DGKI: variants seen among roughly 807,000 people sequenced by gnomAD.
The protein encoded by DGKI is DAG kinase iota.
Under a neutral mutation model 147.5 loss-of-function variants are expected in DGKI, and 55 were observed. The ratio of observed to expected loss-of-function variants is 0.37; its 90% confidence interval spans 0.30 to 0.47. The LOEUF (loss-of-function observed/expected upper bound fraction) is 0.47. Ranked by LOEUF, DGKI falls within the 20% of genes least tolerant of loss-of-function variation. DGKI has a pLI of 1.00. For synonymous variants in DGKI, 469 were observed against 477.1 expected (o/e 0.98, Z 0.22); for missense variants, 1,007 against 1,323.8 (o/e 0.76, Z 3.71).
rs1028924401 is a variant in DGKI, at chr7:137,477,899, G to A, written c.2373+7475C>T. ...TGGTCTCAAACTGCTGGGCTCAAGCGATCTGCCCATGATGGCCTCCCAAAG... is the reference window on the plus strand; with the variant it reads ...TGGTCTCAAACTGCTGGGCTCAAGCAATCTGCCCATGATGGCCTCCCAAAG... On this transcript the variant is annotated intron_variant, in intron 23 of 32. Coordinates refer to ENST00000614521, the MANE Select transcript of DGKI (RefSeq NM_001321708.2). Among the ~76,000 whole-genome samples the A allele has an allele frequency of 1.4e-4, 21 of 152,246 alleles. No homozygotes were observed. The East Asian group carries it at 2.7e-3, about 20-fold the overall frequency.
intron 2 of DGKI, among the ~76,000 whole-genome samples, chr7:137,681,364 C>T (rs900251599): frequency 6.6e-6 from 1 of 152,154 alleles, no homozygotes; most frequent in South Asian, 2.1e-4. Flanking sequence ...GGGTTCAGAC[C>T]CTAAAAGTTT....
At chr7:137,466,800 T>A in intron 25 of DGKI, 102 bp downstream of exon 25, 1 of 1,177,330 alleles carries the variant, frequency 8.5e-7, no homozygotes, top group Non-Finnish European at 1.3e-6. Context: ...AAAATTTGTG[T>A]CTCAGTGGTT....
chr7:137,514,429 A>G (rs1413183704), intron 21 of DGKI, among the ~76,000 whole-genome samples: 1 of 152,056 alleles, frequency 6.6e-6, no homozygotes, highest in Non-Finnish European at 1.5e-5. Flanking sequence ...CCTCTACTCC[A>G]ATCCAACTAC....
intron 1 of DGKI, among the ~76,000 whole-genome samples, chr7:137,762,561 G>GT (rs1795890305): frequency 6.6e-6 from 1 of 152,140 alleles, no homozygotes; most frequent in Non-Finnish European, 1.5e-5. Flanking sequence ...CCAGGTCCTG[G>GT]TTATGACATC....
chr7:137,576,418 C>A (rs1177610541), intron 17 of DGKI, among the ~76,000 whole-genome samples: 1 of 152,142 alleles, frequency 6.6e-6, no homozygotes, highest in Non-Finnish European at 1.5e-5. Context: ...CTCATCACTT[C>A]TTTTCCATCT....
At chr7:137,415,279 G>T (rs1812316269) in intron 28 of DGKI, among the ~76,000 whole-genome samples, 1 of 151,966 alleles carries the variant, frequency 6.6e-6, no homozygotes, top group African/African-American at 2.4e-5. Flanking sequence ...TAATAATAAT[G>T]ATACAACAGT....
At chr7:137,766,052 A>G in intron 1 of DGKI, among the ~76,000 whole-genome samples, 1 of 152,200 alleles carries the variant, frequency 6.6e-6, no homozygotes, top group African/African-American at 2.4e-5. Context: ...CCTGCCTGAA[A>G]CCAGCTCTCA....
At chr7:137,735,903 C>T (rs3800643) in intron 1 of DGKI, among the ~76,000 whole-genome samples, 23,942 of 152,004 alleles carry the variant, frequency 0.16, 2,832 homozygotes, top group African/African-American at 0.31. Flanking sequence ...TGCTAGCTAC[C>T]GTCCGCTATG....
intron 23 of DGKI, among the ~76,000 whole-genome samples, chr7:137,475,712 A>T (rs1815147720): frequency 6.6e-6 from 1 of 152,228 alleles, no homozygotes; most frequent in African/African-American, 2.4e-5. Context: ...GAACCAGTCT[A>T]GGTGCTCTGC....
intron 28 of DGKI, among the ~76,000 whole-genome samples, chr7:137,433,415 A>C (rs1813157272): frequency 6.6e-6 from 1 of 152,220 alleles, no homozygotes; most frequent in African/African-American, 2.4e-5. Context: ...AGAGGAGGCC[A>C]CCAAAACGAT....
chr7:137,530,875 C>T (rs1388049734), intron 20 of DGKI, among the ~76,000 whole-genome samples: 2 of 152,096 alleles, frequency 1.3e-5, no homozygotes, highest in African/African-American at 4.8e-5. Context: ...CGAGTTGAGC[C>T]TCTGGCTTGC....
intron 1 of DGKI, among the ~76,000 whole-genome samples, chr7:137,769,802 T>C (rs1796128694): frequency 2.0e-5 from 3 of 152,284 alleles, no homozygotes; most frequent in Admixed American, 1.3e-4. Flanking sequence ...AGAACGGCAA[T>C]TGTTAAAAAG....
intron 10 of DGKI, among the ~76,000 whole-genome samples, chr7:137,600,319 G>T (rs553601479): frequency 6.6e-6 from 1 of 152,294 alleles, no homozygotes; most frequent in Non-Finnish European, 1.5e-5. Flanking sequence ...AAGCAGTATA[G>T]AAGAGTAGTT....
At chr7:137,823,179 T>C (rs1442677708) in intron 1 of DGKI, among the ~76,000 whole-genome samples, 1 of 152,040 alleles carries the variant, frequency 6.6e-6, no homozygotes, top group Non-Finnish European at 1.5e-5. Context: ...AGTTTTGAAA[T>C]TCCTAAACAA....
chr7:137,610,718 T>C (rs1820335676), intron 8 of DGKI, among the ~76,000 whole-genome samples: 2 of 152,246 alleles, frequency 1.3e-5, no homozygotes, highest in South Asian at 2.1e-4. Context: ...TTCTACTTTT[T>C]AATGTATTCT....
At chr7:137,836,787 A>T (rs928130141) in intron 1 of DGKI, among the ~76,000 whole-genome samples, 12 of 152,242 alleles carry the variant, frequency 7.9e-5, no homozygotes, top group African/African-American at 2.9e-4. Context: ...GTAGCACATG[A>T]TTATTCACAG....
At chr7:137,592,450 T>C (rs1819649937) in intron 12 of DGKI, among the ~76,000 whole-genome samples, 1 of 152,220 alleles carries the variant, frequency 6.6e-6, no homozygotes, top group South Asian at 2.1e-4. Context: ...CAGCAGCTGG[T>C]CAATGCTGCC....
chr7:137,722,889 T>TAA (rs59407060), intron 1 of DGKI: 51,881 of 593,086 alleles, frequency 0.087, 2,665 homozygotes, highest in African/African-American at 0.33. Flanking sequence ...TTGACTACGT[T>TAA]AAAAAAAAAA....
chr7:137,479,629 G>A (rs1447077372), intron 23 of DGKI, among the ~76,000 whole-genome samples: 2 of 152,170 alleles, frequency 1.3e-5, no homozygotes, highest in African/African-American at 4.8e-5. Context: ...TTCACCTAGT[G>A]TTGAACTATG....
Sources: allele counts gnomAD v4.1 joint callset (sites outside exome capture counted in the v4.1 genomes callset), GRCh38; gene constraint gnomAD v4.1.1; transcripts MANE v1.5; gene names NCBI Gene and HGNC (gene_info 2026-07-23, HGNC 2026-07-21).